RNF213: variants seen among roughly 807,000 people sequenced by gnomAD.
The protein encoded by RNF213 is E3 ubiquitin-protein ligase RNF213.
A neutral mutation model predicts 514.4 loss-of-function variants in RNF213; 341 were observed. The ratio of observed to expected loss-of-function variants is 0.66; its 90% CI spans 0.61 to 0.73. The LOEUF (loss-of-function observed/expected upper bound fraction) is 0.73, where lower values mean the gene tolerates loss of function less well. Among genes scored for constraint, RNF213 ranks in the 30% least tolerant of loss-of-function variants. The probability of loss-of-function intolerance (pLI) is 0.00; values close to 1 mark genes in which losing one functional copy is unlikely to be tolerated. For missense variants in RNF213, 5,767 were observed against 6,615.6 expected, an observed-to-expected ratio of 0.87 and a Z score of 4.45; for synonymous variants, 2,655 against 2,658.2, an observed-to-expected ratio of 1.00 and a Z score of 0.04.
Position 80,317,176 on chromosome 17 carries a change from C to T in RNF213, c.2812-12C>T, listed in dbSNP as rs368932915. 338 of 1,609,592 alleles carry T rather than the reference C, an allele frequency of 2.1e-4. No homozygotes were observed. The highest frequency in any genetic ancestry group is 2.8e-4 in the Non-Finnish European group (325 of 1,178,686). On this transcript the variant is annotated splice_polypyrimidine_tract_variant and intron_variant, in intron 15 of 67. Coordinates refer to ENST00000582970, the MANE Select transcript of RNF213 (RefSeq NM_001256071.3). The surrounding 1 kb of genome is among the most constrained non-coding windows in gnomAD (Gnocchi z 4.1). ...CGTGAGAGTGGGTGTGACCTGTGTG[C>T]GGGTTTTGCAGGTCTGGAGGCGGCT...
intron 26 of RNF213, chr17:80,341,422 T>C (rs908758527): frequency 3.3e-5 from 5 of 152,230 alleles, no homozygotes; most frequent in African/African-American, 9.7e-5. Flanking sequence ...CTATCAACAG[T>C]ACCTCGTCCT....
chr17:80,299,574 C>A (rs1160196679), intron 11 of RNF213, among the ~76,000 whole-genome samples: 3 of 134,794 alleles, frequency 2.2e-5, no homozygotes, highest in African/African-American at 8.8e-5. Context: ...TTATTTTTAA[C>A]TTCTAAGTTC....
intron 21 of RNF213, among the ~76,000 whole-genome samples, chr17:80,333,434 C>T (rs1245791713): frequency 6.6e-6 from 1 of 151,218 alleles, no homozygotes; most frequent in Non-Finnish European, 1.5e-5. Flanking sequence ...TGGCTCATGC[C>T]TGTAATCCCA....
At chr17:80,379,801 G>C (rs1254030731) in intron 55 of RNF213, 87 bp downstream of exon 55, 4 of 1,077,344 alleles carry the variant, frequency 3.7e-6, no homozygotes, top group Non-Finnish European at 5.7e-6. Flanking sequence ...TGATACTCAA[G>C]ATAGTACTAA....
At position 80,374,594 on chromosome 17, in the gene RNF213, G is replaced by A; in HGVS notation, c.13074+5G>A. 1.2e-6 allele frequency: 2 copies of A among 1,614,122 alleles called. No individual in the cohort carries two copies. The highest frequency in any genetic ancestry group is 1.1e-5 in the South Asian group (1 of 91,078). Reference sequence around the variant, plus strand: ...GGCATTAAGACTGCTCTGAAGGTAGGATGGGCCCGTGGCTTCTCTCTGATA... The same window carrying A: ...GGCATTAAGACTGCTCTGAAGGTAGAATGGGCCCGTGGCTTCTCTCTGATA... On this transcript the variant is annotated splice_donor_5th_base_variant and intron_variant, in intron 50 of 67. Transcript: ENST00000582970.
In RNF213 at chr17:80,398,343, AAAGT is replaced by A. The variant is rs1358037853; in HGVS notation, c.*4849_*4852del. On this transcript the variant is annotated 3_prime_UTR_variant, in exon 68 of 68. Transcript: ENST00000582970. ...TCTTGAAGAAGCATGGGTCAAGCAC[AAAGT>A]AAGACCACCCCACTAGGAACTATGC... The A allele has an allele frequency of 6.6e-6, 1 of 152,108 alleles. No homozygotes were observed. Among genetic ancestry groups the A allele is most frequent in the Non-Finnish European group, 1.5e-5 (1 of 68,016 alleles). The allele number at this position is 152,108 out of a possible 1,614,324, so 9.4% of individuals were successfully genotyped here.
chr17:80,369,026 T>G (rs2079398562), intron 44 of RNF213, among the ~76,000 whole-genome samples: 1 of 152,220 alleles, frequency 6.6e-6, no homozygotes, highest in Non-Finnish European at 1.5e-5. Context: ...CAGAAAGGGA[T>G]GCATGTAAAT....
At position 80,351,644 on chromosome 17, in the gene RNF213, T is replaced by C. The variant is rs764662888; in HGVS notation, c.10185-41T>C. The C allele has an allele frequency of 8.3e-6, 9 of 1,077,876 alleles. No individual in the cohort carries two copies. The African/African-American group carries it at 1.1e-4, about 13-fold the overall frequency. 66.8% of individuals were successfully genotyped at this position (1,077,876 alleles called of 1,614,324 possible). A position where few individuals can be genotyped will look rare whatever the true frequency, so the allele number is the denominator to read the frequency against. On this transcript the variant is annotated intron_variant, in intron 31 of 67. Coordinates refer to ENST00000582970, the MANE Select transcript of RNF213 (RefSeq NM_001256071.3). Reference sequence around the variant, plus strand: ...TATTTGCTTGTTTTTGTGTGTGTGTTTGTTTTTAAAATAGGTATTCTTTTT... The same window carrying C: ...TATTTGCTTGTTTTTGTGTGTGTGTCTGTTTTTAAAATAGGTATTCTTTTT...
chr17:80,396,727 C>CCG lies in RNF213; in HGVS notation c.*3230_*3231insGC. 1 of 20,848 alleles carries CCG rather than the reference C, an allele frequency of 4.8e-5. No individual in the cohort carries two copies. Among genetic ancestry groups the CCG allele is most frequent in the South Asian group, 1.8e-3 (1 of 554 alleles). The allele number at this position is 20,848 out of a possible 1,614,324, so 1.3% of individuals were successfully genotyped here. A position where few individuals can be genotyped will look rare whatever the true frequency, so the allele number is the denominator to read the frequency against. On this transcript the variant is annotated 3_prime_UTR_variant, in exon 68 of 68. Coordinates refer to ENST00000582970, the MANE Select transcript of RNF213 (RefSeq NM_001256071.3). ...AAACAAGCGCCAGGAAAGTGCATTT[C>CCG]CCCCCCACCCCCCCCCCCCAACCAG...
At chr17:80,291,897 C>T (rs187481893) in intron 8 of RNF213, 70 bp downstream of exon 8, 16 of 1,535,400 alleles carry the variant, frequency 1.0e-5, no homozygotes, top group Non-Finnish European at 1.2e-5. Flanking sequence ...GTACTGGACG[C>T]GTCTCTCTGG....
intron 3 of RNF213, among the ~76,000 whole-genome samples, chr17:80,281,073 C>A (rs1739309379): frequency 6.7e-6 from 1 of 149,996 alleles, no homozygotes; most frequent in Non-Finnish European, 1.5e-5. Flanking sequence ...CAGTCACACA[C>A]ACCCCCCGCC....
chr17:80,342,722 G>GTA (rs1188007741), intron 26 of RNF213, among the ~76,000 whole-genome samples: 3 of 140,066 alleles, frequency 2.1e-5, no homozygotes, highest in South Asian at 2.2e-4. Flanking sequence ...TATATAGTAT[G>GTA]TATATATATA....
intron 59 of RNF213, among the ~76,000 whole-genome samples, chr17:80,384,668 C>T (rs1200332969): frequency 1.3e-5 from 2 of 152,138 alleles, no homozygotes; most frequent in East Asian, 3.9e-4. Flanking sequence ...GAAGGACACC[C>T]AGGAATAAGG....
intron 18 of RNF213, 40 bp from the exon 19 acceptor site, chr17:80,327,776 G>T: frequency 6.7e-7 from 1 of 1,487,648 alleles, no homozygotes; most frequent in Non-Finnish European, 9.0e-7. Flanking sequence ...GGCAGGAGGT[G>T]GGGAGCCCAC....
At chr17:80,392,658 C>T (rs185579124) in intron 67 of RNF213, among the ~76,000 whole-genome samples, 3 of 151,938 alleles carry the variant, frequency 2.0e-5, no homozygotes, top group Non-Finnish European at 2.9e-5. Flanking sequence ...GGTGCAATCT[C>T]GGCTCACTGC....
Position 80,295,454 on chromosome 17 carries a change from C to T in RNF213, c.1756-103C>T, listed in dbSNP as rs1201878817. 202 of 1,448,696 alleles carry T rather than the reference C, an allele frequency of 1.4e-4. 1 individual carries two copies. Among genetic ancestry groups the T allele is most frequent in the Middle Eastern group, 4.6e-4 (2 of 4,304 alleles). 89.7% of individuals were successfully genotyped at this position (1,448,696 alleles called of 1,614,324 possible). A position where few individuals can be genotyped will look rare whatever the true frequency, so the allele number is the denominator to read the frequency against. On this transcript the variant is annotated intron_variant, in intron 9 of 67. Coordinates refer to ENST00000582970, the MANE Select transcript of RNF213 (RefSeq NM_001256071.3). ...CTCTCACAGGTGTGGTGGTGGGGCA[C>T]GGATGGGGTCTGCTGCCCTAGCTGT...
chr17:80,380,513 A>C (rs2079948799), intron 55 of RNF213, among the ~76,000 whole-genome samples: 1 of 152,168 alleles, frequency 6.6e-6, no homozygotes, highest in Non-Finnish European at 1.5e-5. Context: ...TTCTTAGCCC[A>C]ACCGCTCCTC....
At chr17:80,367,490 G>A (rs1281817360) in intron 42 of RNF213, among the ~76,000 whole-genome samples, 1 of 152,176 alleles carries the variant, frequency 6.6e-6, no homozygotes, top group Non-Finnish European at 1.5e-5. Context: ...AAATATCTTA[G>A]TGAGAGCGGA....
chr17:80,265,384 A>C (rs145449127), intron 2 of RNF213, among the ~76,000 whole-genome samples: 1 of 152,232 alleles, frequency 6.6e-6, no homozygotes, highest in Non-Finnish European at 1.5e-5. Context: ...TGCGGAGAGC[A>C]CTGGTAGTGC....
Sources: gnomAD v4.1 joint callset for allele counts (sites outside exome capture counted in the v4.1 genomes callset) on GRCh38, gnomAD v4.1.1 for gene constraint, Gnocchi (gnomAD v3.1) non-coding constraint, MANE v1.5 for transcripts, NCBI Gene and HGNC (gene_info 2026-07-23, HGNC 2026-07-21) for gene names.